The following SERPINA9 variants were observed in gnomAD, a reference collection of about 807,000 sequenced individuals.
The protein encoded by SERPINA9 is serpin family A member 9.
Under a neutral mutation model 24.5 loss-of-function variants are expected in SERPINA9, and 32 were observed. The observed-to-expected ratio is 1.30, with a 90% CI of 0.98 to 1.75. The LOEUF is 1.75. Among genes scored for constraint, SERPINA9 ranks in the 40% most tolerant of loss-of-function variants. The probability of loss-of-function intolerance (pLI) is 0.00; values close to 1 mark genes in which losing one functional copy is unlikely to be tolerated. For missense variants in SERPINA9, 594 were observed against 497.1 expected, an observed-to-expected ratio of 1.19 and a Z score of -1.85; for synonymous variants, 233 against 197.7, an observed-to-expected ratio of 1.18 and a Z score of -1.50.
intron 3 of SERPINA9, among the ~76,000 whole-genome samples, chr14:94,466,182 G>A (rs758233116): frequency 6.6e-6 from 1 of 152,126 alleles, no homozygotes; most frequent in East Asian, 1.9e-4. Context: ...GACACACCCT[G>A]CAGCATCTCT....
At chr14:94,471,904 C>T (rs1899341272) in intron 1 of SERPINA9, among the ~76,000 whole-genome samples, 1 of 152,120 alleles carries the variant, frequency 6.6e-6, no homozygotes, top group African/African-American at 2.4e-5. Flanking sequence ...TTCCCTTGGT[C>T]CAAACCCTCC....
Position 94,467,393 on chromosome 14 carries a change from G to C in SERPINA9, c.629-11C>G. The C allele has an allele frequency of 1.3e-6, 2 of 1,587,808 alleles. No homozygotes were observed. The highest frequency in any genetic ancestry group is 1.7e-6 in the Non-Finnish European group (2 of 1,164,926). On this transcript the variant is annotated splice_polypyrimidine_tract_variant and intron_variant, in intron 2 of 4. Transcript: ENST00000674397. ...GCTTCTCCCACTTGGCTAGCACAAA[G>C]AGAGAAAAGAAGTCTTTATGTCAAA...
At chr14:94,463,765 G>A (rs1261557392) in intron 4 of SERPINA9, among the ~76,000 whole-genome samples, 1 of 152,188 alleles carries the variant, frequency 6.6e-6, no homozygotes. Context: ...TTGTCTTCTA[G>A]GGAAGAGATT....
chr14:94,475,869 C>T (rs370234113), intron 1 of SERPINA9: 3 of 518,030 alleles, frequency 5.8e-6, no homozygotes, highest in Non-Finnish European at 1.0e-5. Flanking sequence ...CAATACTCCT[C>T]CCCTTGTGGC....
In SERPINA9 at chr14:94,469,306, C is replaced by T. The variant is rs753044188; in HGVS notation, c.535G>A (p.Val179Met). The T allele has an allele frequency of 1.2e-6, 2 of 1,614,244 alleles. No individual in the cohort carries two copies. The highest frequency in any genetic ancestry group is 1.7e-6 in the Non-Finnish European group (2 of 1,180,038). ...SIAQARINSH[V>M]KKKTQGKVVD... is the part of the protein sequence containing the mutation. ...ACCTTCCCTTGGGTCTTCTTTTTCA[C>T]ATGGCTGTTGATCCTCGCCTGGGCA... is the stretch of plus-strand genomic sequence containing the variant. Residue 179 changes from valine to methionine, a missense_variant, in exon 2 of 5, where the codon GTG (valine) becomes ATG (methionine). Physicochemically the swap from Val to Met is conservative, Grantham distance 21. Transcript: ENST00000674397.
chr14:94,465,944 C>T (rs907770663), intron 3 of SERPINA9, among the ~76,000 whole-genome samples: 5 of 152,158 alleles, frequency 3.3e-5, no homozygotes, highest in East Asian at 3.8e-4. Context: ...CTCACAGCAA[C>T]GAAAGCACAA....
chr14:94,463,973 T>C (rs1179790269), intron 4 of SERPINA9, among the ~76,000 whole-genome samples: 1 of 152,228 alleles, frequency 6.6e-6, no homozygotes, highest in East Asian at 1.9e-4. Flanking sequence ...GGATCACTTC[T>C]ATTATAATCC....
At chr14:94,475,988 C>G (rs185941783) in intron 1 of SERPINA9, 148 bp downstream of exon 1, 8 of 1,194,518 alleles carry the variant, frequency 6.7e-6, no homozygotes, top group Admixed American at 2.1e-5. Flanking sequence ...GACCCAGATG[C>G]TACTAAAAGC....
At chr14:94,464,914 T>G (rs1391962601) in intron 3 of SERPINA9, 60 bp from the exon 4 acceptor site, 1 of 1,418,642 alleles carries the variant, frequency 7.0e-7, no homozygotes, top group Non-Finnish European at 9.6e-7. Context: ...GCATCTCTGC[T>G]CCTAGATGCC....
chr14:94,466,515 G>T (rs963161017), intron 3 of SERPINA9, among the ~76,000 whole-genome samples: 5 of 152,202 alleles, frequency 3.3e-5, no homozygotes, highest in Non-Finnish European at 5.9e-5. Context: ...CTAAGAGACA[G>T]AACATAAAAC....
rs1166488140 is a variant in SERPINA9 at position 94,462,883 on chromosome 14, G to T, written c.*210C>A. On this transcript the variant is annotated 3_prime_UTR_variant, in exon 5 of 5. Coordinates refer to ENST00000674397, the MANE Select transcript of SERPINA9 (RefSeq NM_175739.4). ...TGAAGCTAGTTACCTGGGAGAATTT[G>T]TGGAAAAGGGCACTGACTGGGGTTA... 1.8e-6 allele frequency: 1 copy of T among 551,664 alleles called. No individual in the cohort carries two copies. Among genetic ancestry groups the T allele is most frequent in the East Asian group, 3.1e-5 (1 of 32,592 alleles). The allele number at this position is 551,664 out of a possible 1,614,324, so 34.2% of individuals were successfully genotyped here.
intron 1 of SERPINA9, among the ~76,000 whole-genome samples, chr14:94,475,159 G>C (rs1899525877): frequency 6.6e-6 from 1 of 152,118 alleles, no homozygotes; most frequent in African/African-American, 2.4e-5. Flanking sequence ...CTGTGGCAAG[G>C]CTCCATGTGT....
chr14:94,469,493 G>A lies in SERPINA9; in HGVS notation c.348C>T (p.His116=), dbSNP rs750614272. 1.5e-5 allele frequency: 25 copies of A among 1,614,062 alleles called. No individual in the cohort carries two copies. Among genetic ancestry groups the A allele is most frequent in the Admixed American group, 3.3e-5 (2 of 60,004 alleles). ...PESAIHQGFQ[H]LVHSLTVPSK... ...TGGGAACAGTCAGTGAGTGAACCAGGTGCTGGAAGCCCTGGTGGATGGCAG... is the reference window on the plus strand; with the variant it reads ...TGGGAACAGTCAGTGAGTGAACCAGATGCTGGAAGCCCTGGTGGATGGCAG... Residue 116 remains histidine, a synonymous_variant, in exon 2 of 5, where the codon CAC becomes CAT. Transcript: ENST00000674397.
At chr14:94,475,078 G>C (rs185625529) in intron 1 of SERPINA9, among the ~76,000 whole-genome samples, 1 of 152,160 alleles carries the variant, frequency 6.6e-6, no homozygotes, top group African/African-American at 2.4e-5. Context: ...TCTTTATCCA[G>C]CTTGGGTGTC....
rs1555374546 is a variant in SERPINA9, at chr14:94,464,308, T to TCTCTCTCTCC, written c.1050+398_1050+399insGGAGAGAGAG. On this transcript the variant is annotated intron_variant, in intron 4 of 4. Transcript: ENST00000674397. ...CTCTCTCTCTCTCTCTCTCTCTCTC[T>TCTCTCTCTCC]CTCTCTCTCTCCTTACACACTGAAG... is the stretch of plus-strand genomic sequence containing the variant. 4.4e-3 allele frequency: 372 copies of TCTCTCTCTCC among 84,816 alleles called. 19 individuals carry two copies. The highest frequency in any genetic ancestry group is 9.2e-3 in the African/African-American group (239 of 25,862). 5.3% of individuals were successfully genotyped at this position (84,816 alleles called of 1,614,324 possible). A position where few individuals can be genotyped will look rare whatever the true frequency, so the allele number is the denominator to read the frequency against.
At chr14:94,473,264 G>A (rs372670361) in intron 1 of SERPINA9, among the ~76,000 whole-genome samples, 6 of 152,240 alleles carry the variant, frequency 3.9e-5, no homozygotes, top group African/African-American at 1.4e-4. Context: ...GGTGGCTCAC[G>A]CCTGTAATCC....
chr14:94,469,246 C>A lies in SERPINA9; in HGVS notation c.595G>T (p.Ala199Ser), dbSNP rs1346592749. The A allele has an allele frequency of 3.7e-6, 6 of 1,613,706 alleles. No homozygotes were observed. In the African/African-American group the frequency reaches 8.0e-5, roughly 22 times the overall value. ...AAAATGTGGTTCACCAGAACCATGG[C>A]CGTCAGAAGGTCAAGGCCTTGGATT... is the stretch of plus-strand genomic sequence containing the variant. The part of the protein sequence containing the change: ...DIIQGLDLLT[A>S]MVLVNHIFFK... The change falls in exon 2 of 5, where the codon GCC (alanine) becomes TCC (serine). Residue 199 changes from alanine to serine, a missense_variant. By Grantham distance (99) the Ala-to-Ser change is moderately conservative (BLOSUM62 1). Coordinates refer to ENST00000674397, the MANE Select transcript of SERPINA9 (RefSeq NM_175739.4).
chr14:94,474,807 T>C (rs1442946987), intron 1 of SERPINA9, among the ~76,000 whole-genome samples: 1 of 151,956 alleles, frequency 6.6e-6, no homozygotes, highest in Non-Finnish European at 1.5e-5. Flanking sequence ...CATTCCACCT[T>C]CCATTGTCTC....
Position 94,469,614 on chromosome 14 carries a change from G to C in SERPINA9, c.227C>G (p.Ser76Cys). The C allele has an allele frequency of 6.8e-6, 11 of 1,614,152 alleles. No homozygotes were observed. The highest frequency in any genetic ancestry group is 9.3e-6 in the Non-Finnish European group (11 of 1,180,028). The change falls in exon 2 of 5, where the codon TCC (serine) becomes TGC (cysteine). Residue 76 changes from serine (S) to cysteine (C), a missense_variant. Coordinates refer to ENST00000674397, the MANE Select transcript of SERPINA9 (RefSeq NM_175739.4). ...AAGGGAGAGCATGGCCAGGGAAGTGGAGACACTCACAGGGGAGAAGAAGAT... is the reference window on the plus strand; with the variant it reads ...AAGGGAGAGCATGGCCAGGGAAGTGCAGACACTCACAGGGGAGAAGAAGAT... The part of the protein sequence containing the change: ...QNIFFSPVSV[S>C]TSLAMLSLGA...
Sources: allele counts gnomAD v4.1 joint callset (sites outside exome capture counted in the v4.1 genomes callset), GRCh38; gene constraint gnomAD v4.1.1; transcripts MANE v1.5; gene names NCBI Gene and HGNC (gene_info 2026-07-23, HGNC 2026-07-21).